Variants in BDKRB2 observed in about 807,000 individuals in gnomAD.
BDKRB2 encodes the protein bradykinin receptor B2, also known as B2 bradykinin receptor.
In BDKRB2, 6 loss-of-function variants were observed where a neutral mutation model predicts 4.0. The ratio of observed to expected loss-of-function variants is 1.49; its 90% CI spans 0.81 to 2.93. The LOEUF (loss-of-function observed/expected upper bound fraction) is 2.93, where lower values mean the gene tolerates loss of function less well. Among genes scored for constraint, BDKRB2 ranks in the 30% most tolerant of loss-of-function variants. The pLI, the probability that BDKRB2 is intolerant of heterozygous loss-of-function variation, is 0.00. For missense variants in BDKRB2, 478 were observed against 520.1 expected (o/e 0.92, Z 0.79); for synonymous variants, 225 against 215.3 (o/e 1.05, Z -0.40).
chr14:96,241,727 A>G lies in BDKRB2; in HGVS notation c.*223A>G, dbSNP rs1158177969. 1 of 609,820 alleles carries G rather than the reference A, an allele frequency of 1.6e-6. No homozygotes were observed. The highest frequency in any genetic ancestry group is 1.9e-5 in the African/African-American group (1 of 53,786). The allele number at this position is 609,820 out of a possible 1,614,324, so 37.8% of individuals were successfully genotyped here. ...ACGCACAGCCAAGGACTCCAAAATC[A>G]CAACAGCATTACTGTTCTTATTTGC... On this transcript the variant is annotated 3_prime_UTR_variant, in exon 3 of 3. Transcript: ENST00000554311.
chr14:96,221,651 G>C (rs1890563948), intron 1 of BDKRB2, among the ~76,000 whole-genome samples: 1 of 152,096 alleles, frequency 6.6e-6, no homozygotes, highest in Non-Finnish European at 1.5e-5. Context: ...TGCTAGAGGT[G>C]CTTGAGTGGT....
chr14:96,214,449 A>G (rs1442304288), intron 1 of BDKRB2, among the ~76,000 whole-genome samples: 1 of 152,170 alleles, frequency 6.6e-6, no homozygotes, highest in African/African-American at 2.4e-5. Flanking sequence ...CCTGCCGGGG[A>G]CAATGCTCCT....
rs1230544053 is a variant in BDKRB2, at chr14:96,243,478, C to T, written c.*1974C>T. 6.6e-6 allele frequency: 1 copy of T among 151,604 alleles called. No individual in the cohort carries two copies. Among genetic ancestry groups the T allele is most frequent in the Non-Finnish European group, 1.5e-5 (1 of 68,160 alleles). The allele number at this position is 151,604 out of a possible 1,614,324, so 9.4% of individuals were successfully genotyped here. A position where few individuals can be genotyped will look rare whatever the true frequency, so the allele number is the denominator to read the frequency against. Reference sequence around the variant, plus strand: ...GGGCTAGAACCTGGAGAGCCAGAACCTGGAGGGCTAGAACCTGGAAGGGCT... The same window carrying T: ...GGGCTAGAACCTGGAGAGCCAGAACTTGGAGGGCTAGAACCTGGAAGGGCT... On this transcript the variant is annotated 3_prime_UTR_variant, in exon 3 of 3. Transcript: ENST00000554311.
Position 96,234,666 on chromosome 14 carries a change from C to T in BDKRB2, c.-39-2403C>T, listed in dbSNP as rs567160859. ...CTCAACCCGCCTGCCCTCTGGACTT[C>T]GGGAGAAAGTTGAGAGGGAAAGCCC... On this transcript the variant is annotated intron_variant, in intron 1 of 2. Transcript: ENST00000554311. 3.0e-4 allele frequency among the ~76,000 whole-genome samples: 45 copies of T among 152,278 alleles called. No individual in the cohort carries two copies. The East Asian group carries it at 4.4e-3, about 15-fold the overall frequency.
chr14:96,241,671 G>A lies in BDKRB2; in HGVS notation c.*167G>A. 2 of 1,225,076 alleles carry A rather than the reference G, an allele frequency of 1.6e-6. No individual in the cohort carries two copies. Among genetic ancestry groups the A allele is most frequent in the Non-Finnish European group, 1.1e-6 (1 of 927,176 alleles). The allele number at this position is 1,225,076 out of a possible 1,614,324, so 75.9% of individuals were successfully genotyped here. On this transcript the variant is annotated 3_prime_UTR_variant, in exon 3 of 3. Transcript: ENST00000554311. Reference sequence around the variant, plus strand: ...AATTCCTGCCCTGCCCAATTTTGCAGGGAGCATGGCTGTGAGGATGGGGTG... The same window carrying A: ...AATTCCTGCCCTGCCCAATTTTGCAAGGAGCATGGCTGTGAGGATGGGGTG...
intron 1 of BDKRB2, among the ~76,000 whole-genome samples, chr14:96,225,685 T>A (rs1890680055): frequency 6.6e-6 from 1 of 152,174 alleles, no homozygotes; most frequent in Non-Finnish European, 1.5e-5. Flanking sequence ...CCCAGCTCAG[T>A]GCTCTCCCCG....
rs34273551 is a variant in BDKRB2 at position 96,237,346 on chromosome 14, G to A, written c.74+165G>A. Among the ~76,000 whole-genome samples the A allele has an allele frequency of 3.2e-3, 482 of 152,348 alleles. 6 individuals are homozygous for A. The highest frequency in any genetic ancestry group is 0.027 in the East Asian group (142 of 5,192). Reference sequence around the variant, plus strand: ...CAGGTGTCCAAGTCCCTGTAGGCCTGTTGGGAGCAGAGGGAATGTTCTGCG... The same window carrying A: ...CAGGTGTCCAAGTCCCTGTAGGCCTATTGGGAGCAGAGGGAATGTTCTGCG... On this transcript the variant is annotated intron_variant, in intron 2 of 2. Transcript: ENST00000554311.
intron 1 of BDKRB2, among the ~76,000 whole-genome samples, chr14:96,220,977 C>T (rs1419947315): frequency 6.6e-6 from 1 of 152,064 alleles, no homozygotes; most frequent in Non-Finnish European, 1.5e-5. Context: ...CACCATCTGT[C>T]CTTCACCACT....
intron 1 of BDKRB2, among the ~76,000 whole-genome samples, chr14:96,213,489 G>A (rs571891469): frequency 7.9e-3 from 816 of 103,804 alleles, no homozygotes; most frequent in South Asian, 0.018. Context: ...TGTCTGGACC[G>A]ACCCAAACAC....
chr14:96,212,970 A>T (rs945290307), intron 1 of BDKRB2, among the ~76,000 whole-genome samples: 1 of 152,116 alleles, frequency 6.6e-6, no homozygotes, highest in African/African-American at 2.4e-5. Flanking sequence ...AGGCTCACAG[A>T]TGTGCTAGCT....
chr14:96,215,968 G>A (rs923910719), intron 1 of BDKRB2, among the ~76,000 whole-genome samples: 2 of 152,200 alleles, frequency 1.3e-5, no homozygotes, highest in Non-Finnish European at 2.9e-5. Flanking sequence ...CAGCCCCTGC[G>A]CAGTGCGAGT....
chr14:96,240,648 C>T lies in BDKRB2; in HGVS notation c.320C>T (p.Ala107Val). The T allele has an allele frequency of 1.3e-6, 2 of 1,569,264 alleles. No individual in the cohort carries two copies. The highest frequency in any genetic ancestry group is 1.7e-6 in the Non-Finnish European group (2 of 1,160,366). The change falls in exon 3 of 3, where the codon GCC becomes GTC. Residue 107 changes from alanine (A) to valine (V), a missense_variant. Transcript: ENST00000554311. ...GNLAAADLIL[A>V]CGLPFWAITI... ...CTGGCCGCAGCAGACCTGATCCTGG[C>T]CTGCGGGCTGCCCTTCTGGGCCATC...
chr14:96,219,396 T>C (rs1025286639), intron 1 of BDKRB2, among the ~76,000 whole-genome samples: 4 of 151,958 alleles, frequency 2.6e-5, no homozygotes, highest in African/African-American at 7.3e-5. Flanking sequence ...TGCCCAGGGC[T>C]GCACAGCTCA....
In BDKRB2 at chr14:96,241,136, G is replaced by A. The variant is rs765119910; in HGVS notation, c.808G>A (p.Val270Met). The change falls in exon 3 of 3, where the codon GTG (valine) becomes ATG (methionine). Residue 270 changes from valine to methionine, a missense_variant. By Grantham distance (21) the Val-to-Met change is conservative. Transcript: ENST00000554311. ...KEIQTERRAT[V>M]LVLVVLLLFI... ...GATCCAGACAGAGAGGAGGGCCACG[G>A]TGCTAGTCCTGGTTGTGCTGCTGCT... is the stretch of plus-strand genomic sequence containing the variant. 7.4e-6 allele frequency: 12 copies of A among 1,612,182 alleles called. No individual in the cohort carries two copies. The highest frequency in any genetic ancestry group is 7.6e-6 in the Non-Finnish European group (9 of 1,179,310).
chr14:96,240,746 A>G lies in BDKRB2; in HGVS notation c.418A>G (p.Asn140Asp). The G allele has an allele frequency of 1.9e-6, 3 of 1,590,996 alleles. No individual in the cohort carries two copies. The Middle Eastern group carries it at 5.1e-4, about 268-fold the overall frequency. ...CRVVNAIISM[N>D]LYSSICFLML... ...CGTGGTGAATGCCATTATCTCCATG[A>G]ACCTGTACAGCAGCATCTGTTTCCT... Residue 140 changes from asparagine (N) to aspartate (D), a missense_variant, in exon 3 of 3, where the codon AAC becomes GAC. Physicochemically the swap from Asn to Asp is conservative, Grantham distance 23. Coordinates refer to ENST00000554311, the MANE Select transcript of BDKRB2 (RefSeq NM_001379692.1).
At chr14:96,217,960 C>T (rs1267764545) in intron 1 of BDKRB2, among the ~76,000 whole-genome samples, 1 of 152,126 alleles carries the variant, frequency 6.6e-6, no homozygotes, top group Non-Finnish European at 1.5e-5. Flanking sequence ...CAGAGTCACC[C>T]AGGTCCCCAC....
Position 96,241,273 on chromosome 14 carries a change from G to A in BDKRB2, c.945G>A (p.Gln315=), listed in dbSNP as rs900360133. The A allele has an allele frequency of 4.3e-6, 7 of 1,613,902 alleles. No individual in the cohort carries two copies. In the Admixed American group the frequency reaches 5.0e-5, roughly 12 times the overall value. Residue 315 remains glutamine (Q), a synonymous_variant, in exon 3 of 3, where the codon CAG becomes CAA. Coordinates refer to ENST00000554311, the MANE Select transcript of BDKRB2 (RefSeq NM_001379692.1). The stretch of plus-strand genomic sequence containing the variant: ...AGCGCATCATCGATGTAATCACACA[G>A]ATCGCCTCCTTCATGGCCTACAGCA... ...QDERIIDVIT[Q]IASFMAYSNS...
intron 1 of BDKRB2, among the ~76,000 whole-genome samples, chr14:96,236,786 G>A (rs901972987): frequency 6.6e-6 from 1 of 152,160 alleles, no homozygotes; most frequent in African/African-American, 2.4e-5. Flanking sequence ...TCACAGGCGC[G>A]TTTGGGACCC....
chr14:96,209,185 C>G (rs1215054298), intron 1 of BDKRB2, among the ~76,000 whole-genome samples: 1 of 152,214 alleles, frequency 6.6e-6, no homozygotes, highest in Non-Finnish European at 1.5e-5. Flanking sequence ...AGTCTGGGTA[C>G]TATTCACTGA....
Sources: gnomAD v4.1 joint callset for allele counts (sites outside exome capture counted in the v4.1 genomes callset) on GRCh38, gnomAD v4.1.1 for gene constraint, MANE v1.5 for transcripts, NCBI Gene and HGNC (gene_info 2026-07-23, HGNC 2026-07-21) for gene names.